PPP4R2: variants seen among roughly 807,000 people sequenced by gnomAD.
PPP4R2 encodes protein phosphatase 4 regulatory subunit 2.
Under a neutral mutation model 47.2 loss-of-function variants are expected in PPP4R2, and 13 were observed. The observed-to-expected ratio is 0.28, with a 90% CI of 0.18 to 0.44. The LOEUF is 0.44. Ranked by LOEUF, PPP4R2 falls within the 20% of genes least tolerant of loss-of-function variation. PPP4R2 has a pLI of 1.00. For synonymous variants in PPP4R2, 151 were observed against 163.3 expected (o/e 0.92, Z 0.57); for missense variants, 421 against 491.2 (o/e 0.86, Z 1.35).
At chr3:73,026,012 C>A (rs1448015307) in intron 2 of PPP4R2, among the ~76,000 whole-genome samples, 1 of 152,030 alleles carries the variant, frequency 6.6e-6, no homozygotes, top group East Asian at 1.9e-4. Context: ...TTATAGGTTT[C>A]CTAACTTGAT....
intron 2 of PPP4R2, among the ~76,000 whole-genome samples, chr3:72,998,521 G>T (rs1701396937): frequency 6.6e-6 from 1 of 151,940 alleles, no homozygotes; most frequent in African/African-American, 2.4e-5. Flanking sequence ...CTTTGATTCT[G>T]TTTCAGAGTC....
chr3:73,012,644 T>C (rs1384107651), intron 2 of PPP4R2, among the ~76,000 whole-genome samples: 1 of 152,180 alleles, frequency 6.6e-6, no homozygotes, highest in African/African-American at 2.4e-5. Context: ...GATTCGCGAA[T>C]GTGGAACTCG....
At chr3:73,028,044 G>A (rs1256411085) in intron 2 of PPP4R2, among the ~76,000 whole-genome samples, 4 of 150,958 alleles carry the variant, frequency 2.6e-5, no homozygotes, top group Admixed American at 6.6e-5. Flanking sequence ...ATCACCTGAG[G>A]TCAGGAGTTT....
At chr3:73,001,414 A>T (rs1190255628) in intron 2 of PPP4R2, among the ~76,000 whole-genome samples, 1 of 152,034 alleles carries the variant, frequency 6.6e-6, no homozygotes, top group Admixed American at 6.6e-5. Flanking sequence ...AATATAAAAA[A>T]TTAGCCTAAC....
chr3:73,024,811 C>G (rs574426372), intron 2 of PPP4R2, among the ~76,000 whole-genome samples: 1 of 152,208 alleles, frequency 6.6e-6, no homozygotes, highest in Admixed American at 6.5e-5. Flanking sequence ...CCAAGCAGCA[C>G]AACTGATTGT....
intron 1 of PPP4R2, among the ~76,000 whole-genome samples, chr3:72,997,685 G>A (rs1701379067): frequency 6.6e-6 from 1 of 152,184 alleles, no homozygotes; most frequent in African/African-American, 2.4e-5. Flanking sequence ...TTTGGGGACG[G>A]CAACTTGGGG....
At chr3:73,062,048 AAAG>A (rs2107341112) in intron 5 of PPP4R2, 9 of 1,446,174 alleles carry the variant, frequency 6.2e-6, no homozygotes, top group African/African-American at 1.4e-5. Flanking sequence ...GAAAAATGGT[AAAG>A]AAGTGCAGAG....
rs865972116 is a variant in PPP4R2, at chr3:73,033,216, A to G, written c.117-13970A>G. Among the ~76,000 whole-genome samples the G allele has an allele frequency of 1.2e-4, 19 of 152,208 alleles. 1 individual carries two copies. The highest frequency in any genetic ancestry group is 3.4e-3 in the Middle Eastern group (1 of 294). On this transcript the variant is annotated intron_variant, in intron 2 of 8. Transcript: ENST00000356692. ...TGTGTTTATTCTACCTACTTATTTG[A>G]TAGTCTGGTTATTCTAGGTTGAAAA...
intron 2 of PPP4R2, among the ~76,000 whole-genome samples, chr3:73,029,028 C>T (rs1702121888): frequency 1.3e-5 from 2 of 152,196 alleles, no homozygotes; most frequent in Admixed American, 6.5e-5. Context: ...TCACTGCAGC[C>T]TCGAACTCCT....
chr3:73,052,126 G>A (rs781010956), intron 3 of PPP4R2, among the ~76,000 whole-genome samples: 1 of 151,616 alleles, frequency 6.6e-6, no homozygotes, highest in Non-Finnish European at 1.5e-5. Context: ...GAATGAATGA[G>A]TAAAGAAAAG....
chr3:73,047,278 C>G lies in PPP4R2; in HGVS notation c.209C>G (p.Pro70Arg), dbSNP rs756917582. ...FRTSAPEPRGPPNPNVEYIPF... is the reference protein window; with the variant it reads ...FRTSAPEPRGRPNPNVEYIPF... Reference sequence around the variant, plus strand: ...ACTTCAGCTCCTGAGCCAAGAGGTCCTCCCAACCCTAATGTCGAATATATT... The same window carrying G: ...ACTTCAGCTCCTGAGCCAAGAGGTCGTCCCAACCCTAATGTCGAATATATT... The change falls in exon 3 of 9, where the codon CCT (proline) becomes CGT (arginine). Residue 70 changes from proline (P) to arginine (R), a missense_variant. Coordinates refer to ENST00000356692, the MANE Select transcript of PPP4R2 (RefSeq NM_174907.4). 13 of 1,610,248 alleles carry G rather than the reference C, an allele frequency of 8.1e-6. No individual in the cohort carries two copies. In the South Asian group the frequency reaches 1.4e-4, roughly 18 times the overall value.
At chr3:73,063,606 G>GTGA (rs1330289262) in intron 5 of PPP4R2, 67 bp from the exon 6 acceptor site, 15 of 890,348 alleles carry the variant, frequency 1.7e-5, no homozygotes, top group Non-Finnish European at 2.6e-5. Context: ...TCCACCTTGG[G>GTGA]TGACAGAGCC....
chr3:73,043,825 C>T (rs142525166), intron 2 of PPP4R2, among the ~76,000 whole-genome samples: 50 of 152,310 alleles, frequency 3.3e-4, no homozygotes, highest in African/African-American at 1.2e-3. Context: ...AGTACACTCA[C>T]GATGTATGTT....
intron 2 of PPP4R2, among the ~76,000 whole-genome samples, chr3:73,020,740 C>T (rs1472087810): frequency 6.6e-6 from 1 of 150,918 alleles, no homozygotes; most frequent in Non-Finnish European, 1.5e-5. Context: ...GTTGCCCAGG[C>T]TGGTCTTGAG....
At chr3:73,046,723 T>A (rs1394123979) in intron 2 of PPP4R2, among the ~76,000 whole-genome samples, 1 of 152,122 alleles carries the variant, frequency 6.6e-6, no homozygotes, top group Non-Finnish European at 1.5e-5. Context: ...AAGGAGAAAG[T>A]AAAGTTTATT....
intron 1 of PPP4R2, 94 bp from the exon 2 acceptor site, chr3:72,997,983 T>C (rs892792980): frequency 2.4e-6 from 2 of 844,760 alleles, no homozygotes; most frequent in Non-Finnish European, 3.9e-6. Flanking sequence ...TTGTATTTAA[T>C]TGATTTTTAA....
At position 73,059,084 on chromosome 3, in the gene PPP4R2, G is replaced by T. The variant is rs1575887066; in HGVS notation, c.335G>T (p.Arg112Met). Residue 112 changes from arginine (R) to methionine (M), a missense_variant, in exon 4 of 9, where the codon AGG (arginine) becomes ATG (methionine). Physicochemically the swap from Arg to Met is moderately conservative, Grantham distance 91. Transcript: ENST00000356692. ...CTATGTGAATTGTTAACAGATCCAAGGAGAAACTATACAGGAACAGACAAA... is the reference window on the plus strand; with the variant it reads ...CTATGTGAATTGTTAACAGATCCAATGAGAAACTATACAGGAACAGACAAA... ...QRLCELLTDP[R>M]RNYTGTDKFL... 1 of 1,592,314 alleles carries T rather than the reference G, an allele frequency of 6.3e-7. No homozygotes were observed. The highest frequency in any genetic ancestry group is 2.2e-5 in the East Asian group (1 of 44,456).
intron 5 of PPP4R2, chr3:73,062,573 T>TA: frequency 6.2e-7 from 1 of 1,614,028 alleles, no homozygotes; most frequent in Non-Finnish European, 8.5e-7. Flanking sequence ...GTACTCCTTA[T>TA]GCTAGCAGAT....
At chr3:73,020,912 T>C (rs971498409) in intron 2 of PPP4R2, among the ~76,000 whole-genome samples, 4 of 152,044 alleles carry the variant, frequency 2.6e-5, no homozygotes, top group African/African-American at 9.7e-5. Context: ...AATCCGATTA[T>C]GAGGGCTCCT....
Sources: gnomAD v4.1 joint callset for allele counts (sites outside exome capture counted in the v4.1 genomes callset) on GRCh38, gnomAD v4.1.1 for gene constraint, MANE v1.5 for transcripts, NCBI Gene and HGNC (gene_info 2026-07-23, HGNC 2026-07-21) for gene names.